Variants in MAN1A1 observed in about 807,000 individuals in gnomAD.
MAN1A1 encodes the protein mannosyl-oligosaccharide 1,2-alpha-mannosidase IA.
MAN1A1 carries 29 observed loss-of-function variants against 70.8 expected under a neutral mutation model. That is an observed-to-expected ratio of 0.41 (90% CI 0.31 to 0.56). The LOEUF is 0.56. Ranked by LOEUF, MAN1A1 falls within the 20% of genes least tolerant of loss-of-function variation. The probability of loss-of-function intolerance (pLI) is 0.29; values close to 1 mark genes in which losing one functional copy is unlikely to be tolerated. For synonymous variants in MAN1A1, 349 were observed against 330.1 expected (o/e 1.06, Z -0.62); for missense variants, 747 against 841.3 (o/e 0.89, Z 1.39).
intron 8 of MAN1A1, among the ~76,000 whole-genome samples, chr6:119,198,163 C>A (rs1342435874): frequency 6.6e-6 from 1 of 152,106 alleles, no homozygotes; most frequent in East Asian, 1.9e-4. Flanking sequence ...CCAAGGTGGG[C>A]GGATCACCTG....
At chr6:119,189,578 T>C in intron 10 of MAN1A1, 86 bp downstream of exon 10, 2 of 1,176,782 alleles carry the variant, frequency 1.7e-6, no homozygotes, top group Non-Finnish European at 2.5e-6. Flanking sequence ...GCAGAGCGGA[T>C]AGTCTTTTGA....
At chr6:119,268,850 G>A (rs980987474) in intron 5 of MAN1A1, among the ~76,000 whole-genome samples, 1 of 152,070 alleles carries the variant, frequency 6.6e-6, no homozygotes, top group Non-Finnish European at 1.5e-5. Flanking sequence ...CAAAGTGCTC[G>A]GATTACAGGT....
chr6:119,247,950 C>T (rs934959176), intron 6 of MAN1A1, among the ~76,000 whole-genome samples: 3 of 152,144 alleles, frequency 2.0e-5, no homozygotes, highest in African/African-American at 4.8e-5. Context: ...TAAAAGATAA[C>T]GGGACTCTTT....
chr6:119,225,412 A>G (rs1173422835), intron 6 of MAN1A1, among the ~76,000 whole-genome samples: 1 of 93,740 alleles, frequency 1.1e-5, no homozygotes, highest in African/African-American at 4.1e-5. Flanking sequence ...AGAGACAGAG[A>G]GAGAAAGAGA....
intron 6 of MAN1A1, among the ~76,000 whole-genome samples, chr6:119,213,082 T>C (rs1191304807): frequency 1.3e-5 from 2 of 152,226 alleles, no homozygotes; most frequent in East Asian, 3.8e-4. Flanking sequence ...CTGCATGAGG[T>C]AAGTTTAGAT....
chr6:119,256,466 T>C (rs1562213176), intron 5 of MAN1A1, among the ~76,000 whole-genome samples: 2 of 150,456 alleles, frequency 1.3e-5, no homozygotes, highest in South Asian at 2.1e-4. Context: ...AGTTCCTGAA[T>C]AGAGAGGGTT....
intron 5 of MAN1A1, among the ~76,000 whole-genome samples, chr6:119,260,568 C>T (rs377335591): frequency 5.3e-5 from 8 of 152,220 alleles, no homozygotes; most frequent in African/African-American, 1.9e-4. Flanking sequence ...TAGCCATAGA[C>T]AAAATGTGAA....
intron 6 of MAN1A1, among the ~76,000 whole-genome samples, 159 bp from the exon 7 acceptor site, chr6:119,205,041 A>C (rs543327125): frequency 2.6e-4 from 39 of 152,332 alleles, no homozygotes; most frequent in African/African-American, 8.4e-4. Flanking sequence ...TTTGGCTACC[A>C]GTTTTAGGGT....
chr6:119,327,580 G>A (rs1160490089), intron 2 of MAN1A1, among the ~76,000 whole-genome samples: 1 of 151,778 alleles, frequency 6.6e-6, no homozygotes, highest in East Asian at 1.9e-4. Context: ...AATAGAGATG[G>A]GGTTTCACCA....
intron 5 of MAN1A1, among the ~76,000 whole-genome samples, chr6:119,265,552 C>T (rs1453736757): frequency 6.6e-6 from 1 of 151,860 alleles, no homozygotes; most frequent in African/African-American, 2.4e-5. Context: ...AAAAAATTTC[C>T]TAAGGTCTTT....
Position 119,184,899 on chromosome 6 carries a change from T to TA in MAN1A1, c.1719+3505dup, listed in dbSNP as rs945772278. Among the ~76,000 whole-genome samples the TA allele has an allele frequency of 1.6e-4, 24 of 151,752 alleles. 1 individual carries two copies. Among genetic ancestry groups the TA allele is most frequent in the South Asian group, 6.2e-4 (3 of 4,814 alleles). On this transcript the variant is annotated intron_variant, in intron 11 of 12. Transcript: ENST00000368468. ...GTCAGTTTCTCATGATTTTTTTTTT[T>TA]AAAATTTTCAAGAGAGTCTCGCTCT...
At chr6:119,210,916 A>C in intron 6 of MAN1A1, 1 of 456,254 alleles carries the variant, frequency 2.2e-6, no homozygotes, top group South Asian at 1.6e-5. Context: ...AGCCCTTGGG[A>C]TATTGCACAT....
At chr6:119,204,339 G>C (rs1773799838) in intron 7 of MAN1A1, among the ~76,000 whole-genome samples, 1 of 152,124 alleles carries the variant, frequency 6.6e-6, no homozygotes, top group South Asian at 2.1e-4. Flanking sequence ...GTGATGGGGG[G>C]AACATGAATT....
chr6:119,347,490 A>G lies in MAN1A1; in HGVS notation c.603+973T>C, dbSNP rs536722485. 3.3e-5 allele frequency among the ~76,000 whole-genome samples: 5 copies of G among 152,310 alleles called. No individual in the cohort carries two copies. In the South Asian group the frequency reaches 1.0e-3, roughly 32 times the overall value. On this transcript the variant is annotated intron_variant, in intron 2 of 12. Coordinates refer to ENST00000368468, the MANE Select transcript of MAN1A1 (RefSeq NM_005907.4). ...TTAATGTGGTTCCTACAGCTTTTCT[A>G]TGTAAAACGCAGGCTGGCACCGTTT...
chr6:119,334,135 A>G (rs1436682032), intron 2 of MAN1A1, among the ~76,000 whole-genome samples: 1 of 152,200 alleles, frequency 6.6e-6, no homozygotes, highest in Non-Finnish European at 1.5e-5. Context: ...AATTTTAGAA[A>G]CATTTGACAA....
chr6:119,251,630 G>C (rs1321984131), intron 5 of MAN1A1, among the ~76,000 whole-genome samples: 1 of 152,180 alleles, frequency 6.6e-6, no homozygotes, highest in South Asian at 2.1e-4. Context: ...AGGCAAGAGA[G>C]AGATCTCTGA....
At position 119,312,118 on chromosome 6, in the gene MAN1A1, T is replaced by A. The variant is rs147129684; in HGVS notation, c.604-5126A>T. ...CCAGTGATACTCATGTCCCTGCTGT[T>A]CTTGGGGACACAAGGGGCTGTGTCT... On this transcript the variant is annotated intron_variant, in intron 2 of 12. Coordinates refer to ENST00000368468, the MANE Select transcript of MAN1A1 (RefSeq NM_005907.4). Among the ~76,000 whole-genome samples, 15 of 152,216 alleles carry A rather than the reference T, an allele frequency of 9.9e-5. No homozygotes were observed. The East Asian group carries it at 2.9e-3, about 29-fold the overall frequency.
At chr6:119,310,722 G>A (rs1021962763) in intron 2 of MAN1A1, among the ~76,000 whole-genome samples, 1 of 152,206 alleles carries the variant, frequency 6.6e-6, no homozygotes, top group Non-Finnish European at 1.5e-5. Flanking sequence ...TAAAAGCCAT[G>A]AGAAAGAAGA....
intron 2 of MAN1A1, among the ~76,000 whole-genome samples, chr6:119,316,807 G>A (rs1232334064): frequency 6.6e-6 from 1 of 151,938 alleles, no homozygotes; most frequent in East Asian, 1.9e-4. Flanking sequence ...CAAATACTAT[G>A]AGGTTATCAC....
Sources: gnomAD v4.1 joint callset for allele counts (sites outside exome capture counted in the v4.1 genomes callset) on GRCh38, gnomAD v4.1.1 for gene constraint, MANE v1.5 for transcripts, NCBI Gene and HGNC (gene_info 2026-07-23, HGNC 2026-07-21) for gene names.